Variants in XKR6 observed in about 807,000 individuals in gnomAD.
The protein encoded by XKR6 is XK-related protein 6.
XKR6 carries 22 observed loss-of-function variants against 56.7 expected under a neutral mutation model. The observed-to-expected ratio is 0.39, with a 90% CI of 0.28 to 0.55. The LOEUF is 0.55. Among genes scored for constraint, XKR6 ranks in the 20% least tolerant of loss-of-function variants. XKR6 has a pLI of 0.66. For synonymous variants in XKR6, 524 were observed against 387.8 expected, an observed-to-expected ratio of 1.35 and a Z score of -4.13; for missense variants, 852 against 889.0, an observed-to-expected ratio of 0.96 and a Z score of 0.53.
intron 1 of XKR6, among the ~76,000 whole-genome samples, chr8:11,172,242 C>T (rs34246803): frequency 0.023 from 3,520 of 151,886 alleles, 153 homozygotes; most frequent in African/African-American, 0.078. Context: ...TTATTGTGCA[C>T]GCCTGTAATC....
chr8:10,969,719 G>A (rs530825499), intron 1 of XKR6, among the ~76,000 whole-genome samples: 1 of 152,204 alleles, frequency 6.6e-6, no homozygotes, highest in Non-Finnish European at 1.5e-5. Flanking sequence ...GATGGAAACA[G>A]GAGCCCCCCA....
intron 1 of XKR6, among the ~76,000 whole-genome samples, chr8:10,986,788 C>CTT (rs879286074): frequency 7.0e-6 from 1 of 143,026 alleles, no homozygotes; most frequent in Non-Finnish European, 1.5e-5. Context: ...GTTGTTGTTT[C>CTT]TTTTTTTTTT....
intron 1 of XKR6, chr8:11,124,960 A>G (rs1274948890): frequency 2.0e-5 from 3 of 150,902 alleles, no homozygotes; most frequent in East Asian, 1.9e-4. Context: ...GTGGTGGCAG[A>G]TGCCTGTAGT....
chr8:11,068,334 G>T (rs535560723), intron 1 of XKR6, among the ~76,000 whole-genome samples: 1 of 152,146 alleles, frequency 6.6e-6, no homozygotes, highest in East Asian at 1.9e-4. Context: ...TACGGTGGGT[G>T]GGGGGCTGGG....
chr8:11,016,033 C>G (rs965588661), intron 1 of XKR6, among the ~76,000 whole-genome samples: 10 of 152,150 alleles, frequency 6.6e-5, no homozygotes, highest in Non-Finnish European at 1.5e-4. Context: ...TAACGCCCCG[C>G]ACCGTCGGCG....
chr8:10,924,981 G>T (rs932495189), intron 1 of XKR6, 151 bp from the exon 2 acceptor site: 20 of 831,802 alleles, frequency 2.4e-5, no homozygotes, highest in Non-Finnish European at 3.4e-5. Flanking sequence ...GCTCTGGGGG[G>T]CTCCCGGCAA....
chr8:11,017,194 A>G (rs1798645166), intron 1 of XKR6, among the ~76,000 whole-genome samples: 1 of 152,238 alleles, frequency 6.6e-6, no homozygotes, highest in Non-Finnish European at 1.5e-5. Context: ...TAACATTGTA[A>G]CACGTATAGA....
chr8:11,074,515 G>C (rs1034383369), intron 1 of XKR6, among the ~76,000 whole-genome samples: 11 of 152,346 alleles, frequency 7.2e-5, no homozygotes, highest in Admixed American at 5.2e-4. Context: ...TGCCGAATGT[G>C]GCAATGAAGA....
chr8:10,960,018 C>G (rs1802013903), intron 1 of XKR6, among the ~76,000 whole-genome samples: 1 of 152,150 alleles, frequency 6.6e-6, no homozygotes, highest in Admixed American at 6.5e-5. Flanking sequence ...AGGGGGGGGC[C>G]TCCTTAAAAT....
At chr8:11,035,059 G>A in intron 1 of XKR6, 1 of 406,512 alleles carries the variant, frequency 2.5e-6, no homozygotes, top group Non-Finnish European at 5.1e-6. Context: ...GCCAGTTACT[G>A]ATTCTTTCTG....
In XKR6 at chr8:10,963,824, A is replaced by C. The variant is rs76602019; in HGVS notation, c.765-38994T>G. On this transcript the variant is annotated intron_variant, in intron 1 of 2. Transcript: ENST00000416569. ...CTCCCAAAGTGCTGAGATTCCAGGTACCCAGACAAGAAGGCCCTTCCTAAG... is the reference window on the plus strand; with the variant it reads ...CTCCCAAAGTGCTGAGATTCCAGGTCCCCAGACAAGAAGGCCCTTCCTAAG... Among the ~76,000 whole-genome samples, 592 of 152,286 alleles carry C rather than the reference A, an allele frequency of 3.9e-3. 3 individuals carry two copies. The highest frequency in any genetic ancestry group is 0.013 in the African/African-American group (554 of 41,558).
chr8:10,946,487 AT>A (rs2129125579), intron 1 of XKR6, among the ~76,000 whole-genome samples: 1 of 151,956 alleles, frequency 6.6e-6, no homozygotes, highest in Non-Finnish European at 1.5e-5. Flanking sequence ...TCATTAATGA[AT>A]TTATCTAAAA....
intron 1 of XKR6, among the ~76,000 whole-genome samples, chr8:10,964,498 G>A (rs753015604): frequency 6.6e-6 from 1 of 152,142 alleles, no homozygotes; most frequent in African/African-American, 2.4e-5. Flanking sequence ...CATTCTCCAA[G>A]GGGAGCCCAA....
At chr8:11,172,500 G>C (rs1354175863) in intron 1 of XKR6, among the ~76,000 whole-genome samples, 1 of 152,086 alleles carries the variant, frequency 6.6e-6, no homozygotes, top group African/African-American at 2.4e-5. Context: ...CCAAATTTTA[G>C]ATCTGCACAA....
In XKR6 at chr8:10,942,029, GAC is replaced by G. The variant is rs540723005; in HGVS notation, c.765-17201_765-17200del. On this transcript the variant is annotated intron_variant, in intron 1 of 2. Transcript: ENST00000416569. ...ACAGCTTTTCTCTGAAGCTGATAAT[GAC>G]ACAGTTATCCCCTCTGAGGGATTTT... Among the ~76,000 whole-genome samples the G allele has an allele frequency of 4.5e-4, 68 of 152,272 alleles. 1 individual carries two copies. Among genetic ancestry groups the G allele is most frequent in the African/African-American group, 1.5e-3 (63 of 41,550 alleles).
At chr8:11,128,899 A>C (rs1183648821) in intron 1 of XKR6, 1 of 456,692 alleles carries the variant, frequency 2.2e-6, no homozygotes, top group Non-Finnish European at 4.4e-6. Context: ...GTCACTGCTA[A>C]CTGATTTCCT....
At chr8:10,969,925 C>T (rs1049039653) in intron 1 of XKR6, among the ~76,000 whole-genome samples, 2 of 152,254 alleles carry the variant, frequency 1.3e-5, no homozygotes, top group Admixed American at 6.5e-5. Context: ...CAGGCAAATG[C>T]TCCTCTAAGC....
chr8:11,151,768 C>T (rs954887995), intron 1 of XKR6, among the ~76,000 whole-genome samples: 2 of 152,028 alleles, frequency 1.3e-5, no homozygotes, highest in African/African-American at 4.8e-5. Flanking sequence ...TACATCCCCC[C>T]GCTCCGCCTT....
intron 1 of XKR6, among the ~76,000 whole-genome samples, chr8:11,128,139 A>G (rs2116883569): frequency 6.6e-6 from 1 of 152,356 alleles, no homozygotes; most frequent in East Asian, 1.9e-4. Context: ...TTAATACGTA[A>G]AGGACAATCT....
Sources: gnomAD v4.1 joint callset for allele counts (sites outside exome capture counted in the v4.1 genomes callset) on GRCh38, gnomAD v4.1.1 for gene constraint, MANE v1.5 for transcripts, NCBI Gene and HGNC (gene_info 2026-07-23, HGNC 2026-07-21) for gene names.